The following ANGPT1 variants were observed in gnomAD, a reference collection of about 807,000 sequenced individuals.
ANGPT1 encodes angiopoietin 1, also known as angiopoietin-1.
Under a neutral mutation model 62.2 loss-of-function variants are expected in ANGPT1, and 17 were observed. The observed-to-expected ratio is 0.27, with a 90% CI of 0.19 to 0.41. ANGPT1 has a LOEUF of 0.41. ANGPT1 is among the 10% of genes least tolerant of loss of function. The probability of loss-of-function intolerance (pLI) is 1.00; values close to 1 mark genes in which losing one functional copy is unlikely to be tolerated. For missense variants in ANGPT1, 478 were observed against 594.9 expected (o/e 0.80, Z 2.04); for synonymous variants, 199 against 198.9 (o/e 1.00, Z 0.00).
chr8:107,330,862 C>G (rs1815403898), intron 3 of ANGPT1, among the ~76,000 whole-genome samples: 1 of 151,752 alleles, frequency 6.6e-6, no homozygotes, highest in East Asian at 1.9e-4. Context: ...TGCCAAGATA[C>G]TACGGTTATT....
chr8:107,472,440 T>C (rs1265013033), intron 1 of ANGPT1, among the ~76,000 whole-genome samples: 1 of 152,136 alleles, frequency 6.6e-6, no homozygotes, highest in Non-Finnish European at 1.5e-5. Context: ...GTTTTTTCAC[T>C]GTATTTGAAG....
intron 2 of ANGPT1, among the ~76,000 whole-genome samples, chr8:107,338,003 G>A (rs1815607143): frequency 6.6e-6 from 1 of 152,176 alleles, no homozygotes; most frequent in Non-Finnish European, 1.5e-5. Flanking sequence ...GGCTAAGGAA[G>A]GAGAATCACT....
chr8:107,261,936 T>A (rs975379517), intron 8 of ANGPT1, among the ~76,000 whole-genome samples: 17 of 152,072 alleles, frequency 1.1e-4, no homozygotes, highest in African/African-American at 4.1e-4. Flanking sequence ...GGCTCATGCC[T>A]GTAATCCCAG....
At chr8:107,437,334 G>C (rs1050551947) in intron 1 of ANGPT1, among the ~76,000 whole-genome samples, 2 of 152,102 alleles carry the variant, frequency 1.3e-5, no homozygotes, top group Non-Finnish European at 2.9e-5. Flanking sequence ...ACAAAAATCC[G>C]TAGGTCTAGC....
At chr8:107,332,355 G>A (rs954782908) in intron 3 of ANGPT1, among the ~76,000 whole-genome samples, 2 of 152,012 alleles carry the variant, frequency 1.3e-5, no homozygotes, top group Non-Finnish European at 2.9e-5. Context: ...TTTAAGTTTC[G>A]GGTAGCATCC....
intron 1 of ANGPT1, among the ~76,000 whole-genome samples, chr8:107,383,103 C>T (rs1000912969): frequency 3.9e-5 from 6 of 152,114 alleles, no homozygotes; most frequent in Admixed American, 1.3e-4. Flanking sequence ...AATTACTGCT[C>T]AGCAGAACTG....
intron 4 of ANGPT1, among the ~76,000 whole-genome samples, chr8:107,314,611 G>A (rs148468147): frequency 2.0e-5 from 3 of 152,248 alleles, no homozygotes; most frequent in South Asian, 2.1e-4. Flanking sequence ...GTGCTAGATA[G>A]TGTGGTTCAT....
In ANGPT1 at chr8:107,396,852, C is replaced by A. The variant is rs1253536593; in HGVS notation, c.298-49755G>T. 2.6e-5 allele frequency among the ~76,000 whole-genome samples: 4 copies of A among 152,052 alleles called. No homozygotes were observed. The East Asian group carries it at 7.7e-4, about 29-fold the overall frequency. The stretch of plus-strand genomic sequence containing the variant: ...TTTTAAAACACTGACTAAAAACAGC[C>A]AATACTTACAGTTTTATTTCCTACT... On this transcript the variant is annotated intron_variant, in intron 1 of 8. Coordinates refer to ENST00000517746, the MANE Select transcript of ANGPT1 (RefSeq NM_001146.5).
At chr8:107,313,007 AAAC>A (rs1814913399) in intron 4 of ANGPT1, among the ~76,000 whole-genome samples, 1 of 152,134 alleles carries the variant, frequency 6.6e-6, no homozygotes, top group African/African-American at 2.4e-5. Flanking sequence ...CATGAGGCCT[AAAC>A]AACTGGCAAA....
chr8:107,485,295 T>C (rs1228712720), intron 1 of ANGPT1, among the ~76,000 whole-genome samples: 1 of 152,170 alleles, frequency 6.6e-6, no homozygotes, highest in Non-Finnish European at 1.5e-5. Flanking sequence ...TTGTGCTGTT[T>C]TAATAGGTTT....
At chr8:107,454,441 G>T (rs779401103) in intron 1 of ANGPT1, among the ~76,000 whole-genome samples, 12 of 152,084 alleles carry the variant, frequency 7.9e-5, no homozygotes, top group Non-Finnish European at 1.8e-4. Flanking sequence ...GAACCAGTTT[G>T]CCTTCACTTT....
At chr8:107,384,569 G>A (rs1040766377) in intron 1 of ANGPT1, among the ~76,000 whole-genome samples, 1 of 152,034 alleles carries the variant, frequency 6.6e-6, no homozygotes, top group Admixed American at 6.6e-5. Context: ...TCCTTTGGTA[G>A]CGACAAGCAA....
intron 8 of ANGPT1, 116 bp downstream of exon 8, chr8:107,264,105 T>C (rs1418970631): frequency 3.4e-5 from 44 of 1,292,916 alleles, no homozygotes; most frequent in Non-Finnish European, 4.5e-5. Context: ...AAATGATCTC[T>C]AGGGACTTGC....
At chr8:107,255,407 A>G (rs1813335022) in intron 8 of ANGPT1, among the ~76,000 whole-genome samples, 1 of 152,070 alleles carries the variant, frequency 6.6e-6, no homozygotes, top group Non-Finnish European at 1.5e-5. Flanking sequence ...AGGAGGGAAA[A>G]CATAAAGGTT....
chr8:107,249,572 A>G lies in ANGPT1; in HGVS notation c.*2283T>C, dbSNP rs1813201947. 1 of 151,718 alleles carries G rather than the reference A, an allele frequency of 6.6e-6. No individual in the cohort carries two copies. The highest frequency in any genetic ancestry group is 2.4e-5 in the African/African-American group (1 of 41,304). The allele number at this position is 151,718 out of a possible 1,614,324, so 9.4% of individuals were successfully genotyped here. On this transcript the variant is annotated 3_prime_UTR_variant, in exon 9 of 9. Coordinates refer to ENST00000517746, the MANE Select transcript of ANGPT1 (RefSeq NM_001146.5). ...CATAGAAACCACATGAATTTTAAAG[A>G]CAAAATTCGAATACCTAATTATCCT...
intron 4 of ANGPT1, among the ~76,000 whole-genome samples, chr8:107,311,862 A>C (rs939211207): frequency 6.6e-6 from 1 of 152,146 alleles, no homozygotes; most frequent in Non-Finnish European, 1.5e-5. Context: ...CAGGAGATGG[A>C]GACCATCCTG....
chr8:107,423,526 C>T (rs1810949476), intron 1 of ANGPT1, among the ~76,000 whole-genome samples: 1 of 152,136 alleles, frequency 6.6e-6, no homozygotes, highest in Non-Finnish European at 1.5e-5. Flanking sequence ...GGAACTGCAT[C>T]ATAGTTTAAC....
At chr8:107,330,489 G>A (rs1815395581) in intron 3 of ANGPT1, among the ~76,000 whole-genome samples, 1 of 152,184 alleles carries the variant, frequency 6.6e-6, no homozygotes, top group Non-Finnish European at 1.5e-5. Flanking sequence ...ACTGTATTGT[G>A]TGCTAAAGAA....
rs867389223 is a variant in ANGPT1, at chr8:107,250,323, C to T, written c.*1532G>A. The T allele has an allele frequency of 5.9e-5, 9 of 152,030 alleles. No homozygotes were observed. In the South Asian group the frequency reaches 8.3e-4, roughly 14 times the overall value. The allele number at this position is 152,030 out of a possible 1,614,324, so 9.4% of individuals were successfully genotyped here. ...AATAATGCAGTAACTTCAAGCACCC[C>T]AAAAATTCACTTAAAATACATTATC... On this transcript the variant is annotated 3_prime_UTR_variant, in exon 9 of 9. Coordinates refer to ENST00000517746, the MANE Select transcript of ANGPT1 (RefSeq NM_001146.5).
Sources: allele counts gnomAD v4.1 joint callset (sites outside exome capture counted in the v4.1 genomes callset), GRCh38; gene constraint gnomAD v4.1.1; transcripts MANE v1.5; gene names NCBI Gene and HGNC (gene_info 2026-07-23, HGNC 2026-07-21).